ACBD6: variants seen among roughly 807,000 people sequenced by gnomAD.
ACBD6 encodes the protein acyl-CoA-binding domain-containing protein 6.
Under a neutral mutation model 37.2 loss-of-function variants are expected in ACBD6, and 28 were observed. The observed-to-expected ratio is 0.75, with a 90% confidence interval of 0.56 to 1.03. ACBD6 has a LOEUF of 1.03. ACBD6 is among the 50% of genes least tolerant of loss of function. The pLI, the probability that ACBD6 is intolerant of heterozygous loss-of-function variation, is 0.00. For synonymous variants in ACBD6, 113 were observed against 126.8 expected (o/e 0.89, Z 0.73); for missense variants, 340 against 337.4 (o/e 1.01, Z -0.06).
At chr1:180,487,595 C>A (rs149470625) in intron 3 of ACBD6, among the ~76,000 whole-genome samples, 2 of 152,064 alleles carry the variant, frequency 1.3e-5, no homozygotes, top group African/African-American at 2.4e-5. Context: ...TTAATAATGG[C>A]CCCAAAGTAC....
rs138858390 is a variant in ACBD6, at chr1:180,330,593, T to A, written c.664-15871A>T. Among the ~76,000 whole-genome samples the A allele has an allele frequency of 9.9e-4, 150 of 152,254 alleles. 1 individual carries two copies. In the South Asian group the frequency reaches 0.017, roughly 18 times the overall value. The stretch of plus-strand genomic sequence containing the variant: ...AATAGATGATATCCAAATTGATAAA[T>A]AGCTACTGTAAACATGACAAGCAAA... On this transcript the variant is annotated intron_variant, in intron 6 of 7. Transcript: ENST00000367595.
chr1:180,272,855 A>C lies in ACBD6; in HGVS notation c.*1174-163T>G, dbSNP rs1157439279. On this transcript the variant is annotated intron_variant, in intron 12 of 13. Transcript: ENST00000642319. ...GTTGTGGGGATCAATGAACACAACCAACTGTGGATGTGCTTGGGGAAAGCC... is the reference window on the plus strand; with the variant it reads ...GTTGTGGGGATCAATGAACACAACCCACTGTGGATGTGCTTGGGGAAAGCC... 2.0e-5 allele frequency: 3 copies of C among 152,204 alleles called. No homozygotes were observed. In the East Asian group the frequency reaches 5.8e-4, roughly 29 times the overall value. The allele number at this position is 152,204 out of a possible 1,614,324, so 9.4% of individuals were successfully genotyped here. A position where few individuals can be genotyped will look rare whatever the true frequency, so the allele number is the denominator to read the frequency against.
At chr1:180,389,076 C>T (rs1489603544) in intron 6 of ACBD6, among the ~76,000 whole-genome samples, 2 of 152,134 alleles carry the variant, frequency 1.3e-5, no homozygotes, top group African/African-American at 2.4e-5. Context: ...CATATGTATA[C>T]ATGTGCCATG....
intron 3 of ACBD6, among the ~76,000 whole-genome samples, chr1:180,461,052 C>T (rs1483839581): frequency 6.6e-6 from 1 of 152,080 alleles, no homozygotes; most frequent in Non-Finnish European, 1.5e-5. Flanking sequence ...TAGGGAAGAA[C>T]ACGACCAACC....
chr1:180,318,175 C>CCCCCA (rs10632390), intron 6 of ACBD6, among the ~76,000 whole-genome samples: 9 of 102,800 alleles, frequency 8.8e-5, no homozygotes, highest in Admixed American at 2.0e-4. Context: ...CCCCCCCCCC[C>CCCCCA]AAAAAAAAAA....
chr1:180,346,072 T>C (rs1454854625), intron 6 of ACBD6, among the ~76,000 whole-genome samples: 2 of 152,136 alleles, frequency 1.3e-5, no homozygotes, highest in Non-Finnish European at 2.9e-5. Context: ...TTGAGAGATA[T>C]GGTAAGCATA....
intron 3 of ACBD6, among the ~76,000 whole-genome samples, chr1:180,449,656 C>T (rs930240269): frequency 6.6e-6 from 1 of 152,010 alleles, no homozygotes; most frequent in African/African-American, 2.4e-5. Context: ...GATCTGCCCT[C>T]CTCGGCCTCC....
chr1:180,285,852 C>T (rs1197432810), downstream of ACBD6, among the ~76,000 whole-genome samples: 9 of 151,646 alleles, frequency 5.9e-5, no homozygotes, highest in East Asian at 3.9e-4. Flanking sequence ...AGATATTTTA[C>T]GTTGGTTGTT....
chr1:180,427,918 C>CAAAAAAAAA (rs11435254), intron 4 of ACBD6, among the ~76,000 whole-genome samples: 1 of 95,758 alleles, frequency 1.0e-5, no homozygotes, highest in African/African-American at 2.9e-5. Flanking sequence ...GACTCTGTCT[C>CAAAAAAAAA]AAAAAAAAAA....
At chr1:180,350,423 ATTG>A (rs66724457) in intron 6 of ACBD6, among the ~76,000 whole-genome samples, 143,321 of 152,090 alleles carry the variant, frequency 0.94, 67,576 homozygotes, top group East Asian at 0.98. Context: ...TATATTTTCT[ATTG>A]TTGTTACCGA....
intron 3 of ACBD6, among the ~76,000 whole-genome samples, chr1:180,438,606 TA>T (rs1324713060): frequency 3.9e-5 from 6 of 152,188 alleles, no homozygotes; most frequent in African/African-American, 1.2e-4. Context: ...GACTTCTTTT[TA>T]AAGCAAGTTT....
chr1:180,441,472 G>A (rs906446961), intron 3 of ACBD6, among the ~76,000 whole-genome samples: 3 of 152,126 alleles, frequency 2.0e-5, no homozygotes, highest in African/African-American at 2.4e-5. Context: ...CTTGGACAGC[G>A]CTGCCATCTA....
chr1:180,399,749 C>A (rs1267759858), intron 5 of ACBD6, among the ~76,000 whole-genome samples: 3 of 152,144 alleles, frequency 2.0e-5, no homozygotes, highest in Non-Finnish European at 4.4e-5. Context: ...TGAATAAATA[C>A]TAATGAATAA....
chr1:180,385,775 C>T (rs1653825355), intron 6 of ACBD6, among the ~76,000 whole-genome samples: 1 of 152,102 alleles, frequency 6.6e-6, no homozygotes, highest in African/African-American at 2.4e-5. Flanking sequence ...TTAGAACCTC[C>T]AGAACTGTGG....
At chr1:180,485,115 T>C (rs1015406850) in intron 3 of ACBD6, among the ~76,000 whole-genome samples, 1 of 150,904 alleles carries the variant, frequency 6.6e-6, no homozygotes, top group East Asian at 1.9e-4. Flanking sequence ...GATACATACA[T>C]TTGAGGGTAT....
At chr1:180,486,848 A>G (rs1651285592) in intron 3 of ACBD6, among the ~76,000 whole-genome samples, 1 of 152,194 alleles carries the variant, frequency 6.6e-6, no homozygotes, top group Admixed American at 6.5e-5. Context: ...GGACAAACAG[A>G]TATCATGTAC....
At chr1:180,312,418 T>C (rs1025192738) in intron 7 of ACBD6, among the ~76,000 whole-genome samples, 1 of 152,194 alleles carries the variant, frequency 6.6e-6, no homozygotes, top group African/African-American at 2.4e-5. Context: ...GCATTCAGCA[T>C]CCCTGCTAAA....
chr1:180,418,099 T>C (rs1192007057), intron 4 of ACBD6, among the ~76,000 whole-genome samples: 2 of 151,960 alleles, frequency 1.3e-5, no homozygotes, highest in Non-Finnish European at 2.9e-5. Flanking sequence ...ATAAATATAA[T>C]TTTTATATAA....
At chr1:180,270,512 C>T (rs187471137) in exon 14 of ACBD6, 1 of 152,362 alleles carries the variant, frequency 6.6e-6, no homozygotes, top group African/African-American at 2.4e-5. Context: ...GCACGCGCCT[C>T]TCTCTGTACC....
Sources: allele counts gnomAD v4.1 joint callset (sites outside exome capture counted in the v4.1 genomes callset), GRCh38; gene constraint gnomAD v4.1.1; transcripts MANE v1.5; gene names NCBI Gene and HGNC (gene_info 2026-07-23, HGNC 2026-07-21).